The following PIK3C2A variants were observed in gnomAD, a reference collection of about 807,000 sequenced individuals.
The protein encoded by PIK3C2A is phosphatidylinositol 4-phosphate 3-kinase C2 domain-containing subunit alpha.
A neutral mutation model predicts 204.5 loss-of-function variants in PIK3C2A; 97 were observed. The ratio of observed to expected loss-of-function variants is 0.47; its 90% CI spans 0.40 to 0.56. PIK3C2A has a LOEUF of 0.56. PIK3C2A is among the 20% of genes least tolerant of loss of function. PIK3C2A has a pLI of 0.00. For missense variants in PIK3C2A, 1,735 were observed against 1,969.2 expected, an observed-to-expected ratio of 0.88 and a Z score of 2.25; for synonymous variants, 653 against 664.4, an observed-to-expected ratio of 0.98 and a Z score of 0.26.
chr11:17,122,669 T>C, intron 14 of PIK3C2A, 33 bp downstream of exon 14: 1 of 942,770 alleles, frequency 1.1e-6, no homozygotes, highest in Non-Finnish European at 1.7e-6. Context: ...AATTTAAATG[T>C]ACACCTCTCT....
chr11:17,121,497 A>G (rs936015151), intron 15 of PIK3C2A, among the ~76,000 whole-genome samples: 2 of 152,230 alleles, frequency 1.3e-5, no homozygotes, highest in Non-Finnish European at 2.9e-5. Flanking sequence ...AGAGTTTTAT[A>G]TAACTGCAAA....
chr11:17,138,260 G>C (rs1407124126), intron 8 of PIK3C2A: 3 of 812,314 alleles, frequency 3.7e-6, no homozygotes, highest in Non-Finnish European at 6.3e-6. Context: ...CAGGGGTTCA[G>C]GACAGGCTAG....
At chr11:17,132,721 G>T (rs569199854) in intron 11 of PIK3C2A, among the ~76,000 whole-genome samples, 11 of 152,358 alleles carry the variant, frequency 7.2e-5, no homozygotes, top group African/African-American at 2.6e-4. Flanking sequence ...TAGGTAGAAA[G>T]AGTACAAACA....
In PIK3C2A at chr11:17,138,113, G is replaced by A; in HGVS notation, c.1705-1488C>T. On this transcript the variant is annotated intron_variant, in intron 8 of 32. Coordinates refer to ENST00000691414, the MANE Select transcript of PIK3C2A (RefSeq NM_002645.4). ...GAATCACCATAGGCCCTGCTGACAT[G>A]TTTTTTGTTTTGGACAATCTCATAA... 4 of 747,596 alleles carry A rather than the reference G, an allele frequency of 5.4e-6. No homozygotes were observed. The Admixed American group carries it at 7.2e-5, about 13-fold the overall frequency. 46.3% of individuals were successfully genotyped at this position (747,596 alleles called of 1,614,324 possible).
intron 8 of PIK3C2A, among the ~76,000 whole-genome samples, chr11:17,143,993 T>G (rs1377623740): frequency 6.6e-6 from 1 of 152,126 alleles, no homozygotes; most frequent in Non-Finnish European, 1.5e-5. Context: ...GTTAATTTTT[T>G]TTTTTAATTT....
chr11:17,116,612 CAG>C (rs527693851), intron 19 of PIK3C2A, among the ~76,000 whole-genome samples: 141 of 150,276 alleles, frequency 9.4e-4, no homozygotes, highest in African/African-American at 1.8e-3. Flanking sequence ...TTTTTTGAGA[CAG>C]AGTCTTGCTC....
intron 1 of PIK3C2A, among the ~76,000 whole-genome samples, chr11:17,190,389 T>C (rs182280156): frequency 7.2e-5 from 11 of 152,066 alleles, no homozygotes; most frequent in Admixed American, 4.6e-4. Flanking sequence ...CTGGCCAACA[T>C]GGTGCAACAC....
intron 13 of PIK3C2A, among the ~76,000 whole-genome samples, chr11:17,126,894 G>A (rs1273151509): frequency 2.0e-5 from 3 of 152,296 alleles, no homozygotes; most frequent in Admixed American, 6.5e-5. Flanking sequence ...GACAATAAAA[G>A]TGGCAAAATG....
chr11:17,107,324 AAAAAT>A (rs1848858373), intron 22 of PIK3C2A, among the ~76,000 whole-genome samples: 2 of 152,226 alleles, frequency 1.3e-5, no homozygotes, highest in African/African-American at 2.4e-5. Context: ...AAAAATAAAA[AAAAAT>A]AAAATAAGTA....
intron 26 of PIK3C2A, among the ~76,000 whole-genome samples, chr11:17,097,775 G>A (rs775395590): frequency 6.6e-6 from 1 of 152,146 alleles, no homozygotes. Flanking sequence ...TTAGCCAGGT[G>A]TGGTGGTGTG....
At chr11:17,111,069 G>C (rs1848986973) in intron 21 of PIK3C2A, among the ~76,000 whole-genome samples, 1 of 151,898 alleles carries the variant, frequency 6.6e-6, no homozygotes, top group South Asian at 2.1e-4. Flanking sequence ...CACCACACCT[G>C]GCTAATTTTT....
At chr11:17,120,502 A>G (rs897118710) in intron 15 of PIK3C2A, among the ~76,000 whole-genome samples, 1 of 151,842 alleles carries the variant, frequency 6.6e-6, no homozygotes. Flanking sequence ...ATATATATAT[A>G]AATATATATA....
intron 19 of PIK3C2A, among the ~76,000 whole-genome samples, 177 bp downstream of exon 19, chr11:17,117,314 G>A (rs1294624005): frequency 6.6e-6 from 1 of 152,156 alleles, no homozygotes; most frequent in African/African-American, 2.4e-5. Flanking sequence ...AATAGGTTGT[G>A]AAATATGTTC....
chr11:17,203,848 A>G (rs1435296019), intron 1 of PIK3C2A, among the ~76,000 whole-genome samples: 3 of 152,124 alleles, frequency 2.0e-5, no homozygotes, highest in South Asian at 2.1e-4. Flanking sequence ...CGAGGCGGGC[A>G]GATCACAAGG....
chr11:17,186,157 C>CA (rs1206762597), intron 1 of PIK3C2A, among the ~76,000 whole-genome samples: 7 of 152,250 alleles, frequency 4.6e-5, no homozygotes, highest in African/African-American at 1.7e-4. Flanking sequence ...TCCGCTGAAT[C>CA]ACTGAATGGC....
At chr11:17,166,438 C>T (rs1212859536) in intron 2 of PIK3C2A, among the ~76,000 whole-genome samples, 1 of 152,180 alleles carries the variant, frequency 6.6e-6, no homozygotes, top group Non-Finnish European at 1.5e-5. Context: ...GACTACATTG[C>T]ATCTGGAATG....
chr11:17,101,289 G>A lies in PIK3C2A; in HGVS notation c.3997C>T (p.Leu1333Phe). The A allele has an allele frequency of 6.5e-7, 1 of 1,542,060 alleles. No homozygotes were observed. The highest frequency in any genetic ancestry group is 1.2e-5 in the South Asian group (1 of 82,688). Residue 1333 changes from leucine to phenylalanine, a missense_variant, in exon 25 of 33, where the codon CTC (leucine) becomes TTC (phenylalanine). By Grantham distance (22) the Leu-to-Phe change is conservative. Transcript: ENST00000691414. ...TAAAGAATAGTTACCAGTGAAAGGA[G>A]GTTAAGAAAAAGGTTTGTCTGCTTT... Reference protein sequence around the residue: ...IRKQTNLFLNLLSLMIPSGLP... With the variant: ...IRKQTNLFLNFLSLMIPSGLP...
At chr11:17,113,618 C>T (rs759727015) in intron 20 of PIK3C2A, among the ~76,000 whole-genome samples, 22 of 151,546 alleles carry the variant, frequency 1.5e-4, no homozygotes, top group Admixed American at 2.6e-4. Flanking sequence ...CCCGTCTCTA[C>T]TAAACATACA....
intron 2 of PIK3C2A, among the ~76,000 whole-genome samples, chr11:17,164,936 A>G (rs1850897286): frequency 6.6e-6 from 1 of 152,180 alleles, no homozygotes; most frequent in Non-Finnish European, 1.5e-5. Context: ...ACTGTGACAA[A>G]TATTTTAAAT....
Sources: allele counts gnomAD v4.1 joint callset (sites outside exome capture counted in the v4.1 genomes callset), GRCh38; gene constraint gnomAD v4.1.1; transcripts MANE v1.5; gene names NCBI Gene and HGNC (gene_info 2026-07-23, HGNC 2026-07-21).